GPC6: variants seen among roughly 807,000 people sequenced by gnomAD.
The protein encoded by GPC6 is glypican 6, also known as glypican-6.
Under a neutral mutation model 55.2 loss-of-function variants are expected in GPC6, and 14 were observed. That is an observed-to-expected ratio of 0.25 (90% CI 0.17 to 0.40). The LOEUF (loss-of-function observed/expected upper bound fraction) is 0.40, where lower values mean the gene tolerates loss of function less well. GPC6 is among the 10% of genes least tolerant of loss of function. The pLI is 1.00. For missense variants in GPC6, 641 were observed against 708.5 expected, an observed-to-expected ratio of 0.90 and a Z score of 1.08; for synonymous variants, 278 against 259.6, an observed-to-expected ratio of 1.07 and a Z score of -0.68.
intron 4 of GPC6, among the ~76,000 whole-genome samples, chr13:94,219,933 A>G (rs548096403): frequency 6.6e-6 from 1 of 152,270 alleles, no homozygotes; most frequent in Admixed American, 6.5e-5. Context: ...CAAGAGGAGG[A>G]TTCATTGGTT....
chr13:93,523,176 T>G (rs562724328), intron 1 of GPC6, among the ~76,000 whole-genome samples: 1 of 147,986 alleles, frequency 6.8e-6, no homozygotes, highest in Non-Finnish European at 1.5e-5. Flanking sequence ...TATATACACA[T>G]ACATATACAC....
chr13:94,199,819 C>T (rs1171598330), intron 4 of GPC6, among the ~76,000 whole-genome samples: 1 of 152,120 alleles, frequency 6.6e-6, no homozygotes, highest in Non-Finnish European at 1.5e-5. Flanking sequence ...ATTTGCCCTC[C>T]TTGACCACAC....
At chr13:94,164,740 T>G (rs991284009) in intron 4 of GPC6, among the ~76,000 whole-genome samples, 5 of 152,152 alleles carry the variant, frequency 3.3e-5, no homozygotes, top group African/African-American at 9.7e-5. Context: ...CTATTATCTC[T>G]CACTCTGCTA....
At position 93,597,432 on chromosome 13, in the gene GPC6, A is replaced by G. The variant is rs1157114829; in HGVS notation, c.319+52011A>G. ...TCTATTAGATAGGATAGCTGAAAGA[A>G]CTAAGAAGGTGAGGGAGCTGTCTGA... is the stretch of plus-strand genomic sequence containing the variant. On this transcript the variant is annotated intron_variant, in intron 2 of 8. Coordinates refer to ENST00000377047, the MANE Select transcript of GPC6 (RefSeq NM_005708.5). Among the ~76,000 whole-genome samples, 3 of 152,208 alleles carry G rather than the reference A, an allele frequency of 2.0e-5. No individual in the cohort carries two copies. The East Asian group carries it at 5.8e-4, about 29-fold the overall frequency.
At chr13:93,833,684 A>G (rs1887618658) in intron 3 of GPC6, among the ~76,000 whole-genome samples, 1 of 152,154 alleles carries the variant, frequency 6.6e-6, no homozygotes, top group African/African-American at 2.4e-5. Context: ...CCTCTTTGGC[A>G]GAACACAGCA....
intron 3 of GPC6, among the ~76,000 whole-genome samples, chr13:93,933,062 A>C (rs1393277007): frequency 7.1e-6 from 1 of 140,902 alleles, no homozygotes; most frequent in Non-Finnish European, 1.5e-5. Flanking sequence ...ACAATCCTTG[A>C]CTCATGGCCG....
chr13:93,819,999 T>G (rs72643197), intron 2 of GPC6, among the ~76,000 whole-genome samples: 3,841 of 152,322 alleles, frequency 0.025, 72 homozygotes, highest in Middle Eastern at 0.058. Context: ...AATTACATAG[T>G]GCTGCTTTTC....
chr13:93,287,359 T>A (rs1454194365), intron 1 of GPC6, among the ~76,000 whole-genome samples: 1 of 152,180 alleles, frequency 6.6e-6, no homozygotes, highest in East Asian at 1.9e-4. Context: ...GCAGGGACAT[T>A]GGCCACCAAG....
intron 1 of GPC6, among the ~76,000 whole-genome samples, chr13:93,249,317 A>T (rs905878375): frequency 6.6e-6 from 1 of 152,224 alleles, no homozygotes; most frequent in Non-Finnish European, 1.5e-5. Flanking sequence ...ATTGATTTTA[A>T]TCCTAAAAAT....
chr13:93,477,987 AT>A (rs11455536), intron 1 of GPC6, among the ~76,000 whole-genome samples: 53 of 151,780 alleles, frequency 3.5e-4, no homozygotes, highest in African/African-American at 1.1e-3. Flanking sequence ...ATCTCTTTGC[AT>A]TTTTTTTGTC....
At chr13:93,388,887 G>C (rs374658090) in intron 1 of GPC6, among the ~76,000 whole-genome samples, 1 of 152,274 alleles carries the variant, frequency 6.6e-6, no homozygotes, top group South Asian at 2.1e-4. Context: ...AAGGACTTAT[G>C]AGTGTGTGAG....
intron 4 of GPC6, among the ~76,000 whole-genome samples, chr13:94,188,500 A>G (rs932371648): frequency 1.3e-5 from 2 of 152,362 alleles, no homozygotes; most frequent in African/African-American, 2.4e-5. Context: ...GTGAGTGGTC[A>G]CTTCTTTGAA....
intron 3 of GPC6, among the ~76,000 whole-genome samples, chr13:93,903,893 T>C (rs1017098380): frequency 6.6e-6 from 1 of 152,158 alleles, no homozygotes; most frequent in African/African-American, 2.4e-5. Flanking sequence ...ATTTGGCTTG[T>C]ATGTTGTCTT....
At chr13:94,168,202 A>G (rs1888431600) in intron 4 of GPC6, among the ~76,000 whole-genome samples, 1 of 152,216 alleles carries the variant, frequency 6.6e-6, no homozygotes, top group African/African-American at 2.4e-5. Flanking sequence ...TGCCCTCTTT[A>G]CATTCTATGA....
chr13:93,912,971 ATTC>A (rs1439148886), intron 3 of GPC6, among the ~76,000 whole-genome samples: 1 of 151,828 alleles, frequency 6.6e-6, no homozygotes, highest in Non-Finnish European at 1.5e-5. Flanking sequence ...CTCTGTGTCG[ATTC>A]TTCTTCTCCT....
chr13:93,503,485 C>G (rs1880595892), intron 1 of GPC6, among the ~76,000 whole-genome samples: 1 of 152,190 alleles, frequency 6.6e-6, no homozygotes, highest in South Asian at 2.1e-4. Context: ...CCATTTTTAG[C>G]TGGTGGGCCA....
chr13:94,140,767 G>A (rs942058608), intron 4 of GPC6, among the ~76,000 whole-genome samples: 4 of 152,130 alleles, frequency 2.6e-5, no homozygotes, highest in Admixed American at 6.5e-5. Flanking sequence ...TGGCATCGTG[G>A]TTTGAGGCTA....
chr13:94,353,588 T>C (rs74103910), intron 6 of GPC6, among the ~76,000 whole-genome samples: 18 of 151,432 alleles, frequency 1.2e-4, no homozygotes, highest in South Asian at 2.1e-4. Context: ...TATATATATA[T>C]ACACACACAC....
chr13:93,901,040 A>C (rs2140326915), intron 3 of GPC6, among the ~76,000 whole-genome samples: 1 of 152,316 alleles, frequency 6.6e-6, no homozygotes, highest in African/African-American at 2.4e-5. Context: ...TACTCACGAA[A>C]GTAAAGAAAT....
Sources: allele counts gnomAD v4.1 joint callset (sites outside exome capture counted in the v4.1 genomes callset), GRCh38; gene constraint gnomAD v4.1.1; transcripts MANE v1.5; gene names NCBI Gene and HGNC (gene_info 2026-07-23, HGNC 2026-07-21).